The following TRPC4 variants were observed in gnomAD, a reference collection of about 807,000 sequenced individuals.
TRPC4 encodes transient receptor potential cation channel subfamily C member 4.
In TRPC4, 49 loss-of-function variants were observed where a neutral mutation model predicts 99.4. The ratio of observed to expected loss-of-function variants is 0.49; its 90% confidence interval spans 0.39 to 0.63. TRPC4 has a LOEUF of 0.63. Ranked by LOEUF, TRPC4 falls within the 20% of genes least tolerant of loss-of-function variation. The pLI, the probability that TRPC4 is intolerant of heterozygous loss-of-function variation, is 0.00. For missense variants in TRPC4, 898 were observed against 1,152.9 expected (o/e 0.78, Z 3.20); for synonymous variants, 454 against 425.9 (o/e 1.07, Z -0.81).
At chr13:37,827,445 T>A (rs533574985) in intron 1 of TRPC4, among the ~76,000 whole-genome samples, 1 of 152,170 alleles carries the variant, frequency 6.6e-6, no homozygotes, top group African/African-American at 2.4e-5. Context: ...TACAGATGGG[T>A]TTTTGGTGTG....
rs538047279 is a variant in TRPC4, at chr13:37,663,312, C to A, written c.1688+104G>T. 12 of 1,110,582 alleles carry A rather than the reference C, an allele frequency of 1.1e-5. No homozygotes were observed. The African/African-American group carries it at 1.9e-4, about 17-fold the overall frequency. 68.8% of individuals were successfully genotyped at this position (1,110,582 alleles called of 1,614,324 possible). ...TTCTGCATTAAGCACAATTTTAGTT[C>A]CCCATTTTCTTTACAACCATTTGTC... On this transcript the variant is annotated intron_variant, in intron 6 of 10. Coordinates refer to ENST00000379705, the MANE Select transcript of TRPC4 (RefSeq NM_016179.4).
intron 3 of TRPC4, among the ~76,000 whole-genome samples, chr13:37,719,748 A>C (rs1954802766): frequency 6.6e-6 from 1 of 152,054 alleles, no homozygotes; most frequent in African/African-American, 2.4e-5. Context: ...AGATTGTGAA[A>C]AATTGAGGGT....
In TRPC4 at chr13:37,783,403, C is replaced by T; in HGVS notation, c.-27-43G>A. 4.9e-6 allele frequency: 7 copies of T among 1,436,426 alleles called. No homozygotes were observed. The South Asian group carries it at 1.2e-4, about 24-fold the overall frequency. 89.0% of individuals were successfully genotyped at this position (1,436,426 alleles called of 1,614,324 possible). ...AAACACAAAGATTAGTGTTAATATG[C>T]TTTTAAAATTGTTAAGCATCATACT... On this transcript the variant is annotated intron_variant, in intron 1 of 10. Transcript: ENST00000379705.
intron 1 of TRPC4, among the ~76,000 whole-genome samples, chr13:37,785,318 T>C (rs1368361007): frequency 6.6e-6 from 1 of 152,096 alleles, no homozygotes; most frequent in African/African-American, 2.4e-5. Context: ...GGTCAGAGTC[T>C]ATAACAGTGT....
At position 37,769,536 on chromosome 13, in the gene TRPC4, A is replaced by G. The variant is rs192293243; in HGVS notation, c.378+13420T>C. ...GGCTACATTTTGTTTGGTGATTTATAATATGTTTAGATTATGTTTATTCAA... is the reference window on the plus strand; with the variant it reads ...GGCTACATTTTGTTTGGTGATTTATGATATGTTTAGATTATGTTTATTCAA... On this transcript the variant is annotated intron_variant, in intron 2 of 10. Transcript: ENST00000379705. Among the ~76,000 whole-genome samples, 225 of 151,506 alleles carry G rather than the reference A, an allele frequency of 1.5e-3. 2 individuals are homozygous for G. Among genetic ancestry groups the G allele is most frequent in the African/African-American group, 4.7e-3 (193 of 41,418 alleles).
At chr13:37,821,199 C>CACACACACACACACAA (rs1555277999) in intron 1 of TRPC4, among the ~76,000 whole-genome samples, 2 of 147,484 alleles carry the variant, frequency 1.4e-5, no homozygotes, top group African/African-American at 5.0e-5. Context: ...GCCACACACA[C>CACACACACACACACAA]ACACACACAC....
chr13:37,693,214 A>G (rs545645348), intron 3 of TRPC4, among the ~76,000 whole-genome samples: 251 of 152,210 alleles, frequency 1.6e-3, no homozygotes, highest in Non-Finnish European at 3.0e-3. Context: ...TAAGCAATAT[A>G]TGAATTAAGA....
At chr13:37,851,132 C>T (rs985330418) in intron 1 of TRPC4, among the ~76,000 whole-genome samples, 3 of 152,172 alleles carry the variant, frequency 2.0e-5, no homozygotes, top group Admixed American at 6.5e-5. Context: ...CCCACAGGTC[C>T]TACAACATAG....
At chr13:37,676,306 C>A (rs1953048261) in intron 4 of TRPC4, among the ~76,000 whole-genome samples, 1 of 145,966 alleles carries the variant, frequency 6.9e-6, no homozygotes, top group Non-Finnish European at 1.5e-5. Context: ...ATTTTGCATA[C>A]AAAGGAAGAA....
intron 4 of TRPC4, among the ~76,000 whole-genome samples, chr13:37,676,658 AC>A (rs1953063750): frequency 6.6e-6 from 1 of 152,166 alleles, no homozygotes; most frequent in African/African-American, 2.4e-5. Flanking sequence ...GGCAGGAGCC[AC>A]CGCGCCCGGC....
Position 37,636,968 on chromosome 13 carries a change from T to C in TRPC4, c.2869A>G (p.Ile957Val), listed in dbSNP as rs73184536. ...TCTGGGAGGTTTAGATCATAGTCTA[T>C]ACTAGAGTCCTCTTCTTTTGCATGT... ...EKHAKEEDSSIDYDLNLPDTV... is the reference protein window; with the variant it reads ...EKHAKEEDSSVDYDLNLPDTV... Residue 957 changes from isoleucine to valine, a missense_variant, in exon 11 of 11, where the codon ATA becomes GTA. Physicochemically the swap from Ile to Val is conservative, Grantham distance 29. Transcript: ENST00000379705. The C allele has an allele frequency of 0.058, 92,934 of 1,613,672 alleles. 3,141 individuals are homozygous for C. Among genetic ancestry groups the C allele is most frequent in the Non-Finnish European group, 0.066 (77,322 of 1,179,692 alleles).
At chr13:37,834,856 T>C (rs1721785216) in intron 1 of TRPC4, among the ~76,000 whole-genome samples, 1 of 152,118 alleles carries the variant, frequency 6.6e-6, no homozygotes, top group African/African-American at 2.4e-5. Flanking sequence ...TGCCTCAGCC[T>C]CCCAAGTAAC....
intron 8 of TRPC4, among the ~76,000 whole-genome samples, chr13:37,642,633 T>A (rs1780450002): frequency 6.6e-6 from 1 of 152,192 alleles, no homozygotes; most frequent in Admixed American, 6.5e-5. Flanking sequence ...CTCAGTTTTT[T>A]CAGTGTAGGA....
intron 2 of TRPC4, among the ~76,000 whole-genome samples, chr13:37,749,579 A>T (rs1447227763): frequency 6.6e-6 from 1 of 152,136 alleles, no homozygotes; most frequent in Admixed American, 6.6e-5. Flanking sequence ...GAAGACAATA[A>T]AAACAGAACA....
chr13:37,760,768 G>T (rs116463273), intron 2 of TRPC4, among the ~76,000 whole-genome samples: 2,249 of 151,928 alleles, frequency 0.015, 43 homozygotes, highest in African/African-American at 0.051. Context: ...TTTATATGTG[G>T]CCCAAGACAT....
At chr13:37,846,065 C>T (rs1052811129) in intron 1 of TRPC4, among the ~76,000 whole-genome samples, 3 of 151,960 alleles carry the variant, frequency 2.0e-5, no homozygotes, top group Admixed American at 2.0e-4. Context: ...ACCAAGAATA[C>T]TTTACCAAAT....
intron 8 of TRPC4, among the ~76,000 whole-genome samples, chr13:37,649,596 T>C (rs1171628609): frequency 6.6e-6 from 1 of 150,392 alleles, no homozygotes; most frequent in Non-Finnish European, 1.5e-5. Flanking sequence ...TAGCCGAGAG[T>C]GGTGGCAGGC....
At chr13:37,651,241 A>G (rs1952033795) in intron 8 of TRPC4, 24 bp downstream of exon 8, 1 of 1,612,750 alleles carries the variant, frequency 6.2e-7, no homozygotes, top group Non-Finnish European at 8.5e-7. Context: ...AAAAAAGAGT[A>G]ATACTAACAT....
chr13:37,713,421 A>G (rs1185924862), intron 3 of TRPC4, among the ~76,000 whole-genome samples: 1 of 152,206 alleles, frequency 6.6e-6, no homozygotes, highest in African/African-American at 2.4e-5. Context: ...TTTCAGTTAT[A>G]AAGTACTGGC....
Sources: gnomAD v4.1 joint callset for allele counts (sites outside exome capture counted in the v4.1 genomes callset) on GRCh38, gnomAD v4.1.1 for gene constraint, MANE v1.5 for transcripts, NCBI Gene and HGNC (gene_info 2026-07-23, HGNC 2026-07-21) for gene names.